MIR2052HG: variants seen among roughly 807,000 people sequenced by gnomAD.
The protein encoded by MIR2052HG is MIR2052 host gene.
At chr8:74,754,484 G>C (rs1370577629) in intron 5 of MIR2052HG, among the ~76,000 whole-genome samples, 2 of 152,182 alleles carry the variant, frequency 1.3e-5, no homozygotes, top group African/African-American at 4.8e-5. Flanking sequence ...GAGACTTGGA[G>C]CTATGAGTGT....
chr8:74,707,220 T>G (rs1809420128), intron 4 of MIR2052HG, among the ~76,000 whole-genome samples: 1 of 152,110 alleles, frequency 6.6e-6, no homozygotes, highest in Non-Finnish European at 1.5e-5. Context: ...GGGTGCTATA[T>G]TGTTACATTG....
At chr8:74,719,606 T>C (rs1019600317) in intron 4 of MIR2052HG, among the ~76,000 whole-genome samples, 10 of 152,072 alleles carry the variant, frequency 6.6e-5, no homozygotes, top group Non-Finnish European at 1.5e-4. Flanking sequence ...AAATCACTGA[T>C]CTTTTATTTA....
chr8:74,752,348 C>A, intron 4 of MIR2052HG: 2 of 366,726 alleles, frequency 5.5e-6, no homozygotes, highest in Non-Finnish European at 5.3e-6. Context: ...ATTTCAAAGG[C>A]ATAGGTCTCA....
At chr8:74,658,972 A>G (rs1031742476) in intron 2 of MIR2052HG, among the ~76,000 whole-genome samples, 14 of 152,246 alleles carry the variant, frequency 9.2e-5, no homozygotes, top group Non-Finnish European at 1.6e-4. Flanking sequence ...ATTCTTTCAT[A>G]CTTACCCAAA....
At chr8:74,708,511 G>C (rs560104730) in intron 4 of MIR2052HG, among the ~76,000 whole-genome samples, 1 of 152,166 alleles carries the variant, frequency 6.6e-6, no homozygotes, top group South Asian at 2.1e-4. Context: ...CTGGATTGTA[G>C]AATATTGACA....
chr8:74,666,709 T>A (rs947826183), intron 2 of MIR2052HG, among the ~76,000 whole-genome samples: 3 of 152,216 alleles, frequency 2.0e-5, no homozygotes, highest in African/African-American at 7.2e-5. Context: ...GGTGTCGAAT[T>A]ACCATCCATG....
intron 2 of MIR2052HG, among the ~76,000 whole-genome samples, chr8:74,625,787 A>T (rs1306815935): frequency 1.3e-5 from 2 of 152,208 alleles, no homozygotes; most frequent in African/African-American, 2.4e-5. Context: ...AATATTAAAG[A>T]TTCTTGCAAT....
intron 2 of MIR2052HG, among the ~76,000 whole-genome samples, chr8:74,634,763 A>T (rs1808560233): frequency 6.6e-6 from 1 of 152,108 alleles, no homozygotes; most frequent in Non-Finnish European, 1.5e-5. Flanking sequence ...GACATCTACC[A>T]CTACTTCATA....
intron 1 of MIR2052HG, among the ~76,000 whole-genome samples, chr8:74,602,817 G>GTTTCTTTCTTCCTTTCTTTCTTTC (rs1808023488): frequency 6.8e-5 from 5 of 73,786 alleles, no homozygotes; most frequent in African/African-American, 3.2e-4. Context: ...GCCCGGCCGT[G>GTTTCTTTCTTCCTTTCTTTCTTTC]TTTCTTTCTT....
chr8:74,751,177 A>G (rs1809940988), intron 4 of MIR2052HG, among the ~76,000 whole-genome samples: 1 of 152,224 alleles, frequency 6.6e-6, no homozygotes, highest in Admixed American at 6.5e-5. Context: ...CATATGTCCT[A>G]GCTGGGCTTG....
At chr8:74,694,384 T>C (rs1396679375) in intron 2 of MIR2052HG, among the ~76,000 whole-genome samples, 4 of 152,116 alleles carry the variant, frequency 2.6e-5, no homozygotes, top group Non-Finnish European at 5.9e-5. Flanking sequence ...AAATCTTCCC[T>C]CTCACATAGG....
chr8:74,662,483 C>A (rs1808875933), intron 2 of MIR2052HG, among the ~76,000 whole-genome samples: 1 of 151,914 alleles, frequency 6.6e-6, no homozygotes, highest in African/African-American at 2.4e-5. Flanking sequence ...ATACCTAGTG[C>A]ATGCGGGGCT....
At chr8:74,739,546 G>A (rs535234930) in intron 4 of MIR2052HG, among the ~76,000 whole-genome samples, 1 of 152,186 alleles carries the variant, frequency 6.6e-6, no homozygotes, top group South Asian at 2.1e-4. Context: ...GAATTCCCCA[G>A]AACTTTCATA....
intron 4 of MIR2052HG, among the ~76,000 whole-genome samples, chr8:74,731,246 G>A (rs1397393336): frequency 6.6e-6 from 1 of 152,162 alleles, no homozygotes; most frequent in Non-Finnish European, 1.5e-5. Flanking sequence ...TTAGCAACAG[G>A]GACCAACACT....
At chr8:74,757,333 G>A (rs1810015057) in intron 5 of MIR2052HG, 1 of 152,186 alleles carries the variant, frequency 6.6e-6, no homozygotes, top group Admixed American at 6.5e-5. Context: ...GAGCCTTTGG[G>A]CATCATGGGA....
intron 2 of MIR2052HG, among the ~76,000 whole-genome samples, chr8:74,663,363 G>C (rs1205646740): frequency 6.6e-6 from 1 of 152,174 alleles, no homozygotes; most frequent in Non-Finnish European, 1.5e-5. Context: ...ACTTGTTTAA[G>C]AACACCGTGT....
chr8:74,652,416 T>C (rs1808763047), intron 2 of MIR2052HG, among the ~76,000 whole-genome samples: 1 of 152,124 alleles, frequency 6.6e-6, no homozygotes, highest in African/African-American at 2.4e-5. Context: ...GGCTCTGGAG[T>C]GAAGACCATG....
chr8:74,663,152 A>G (rs1309195984), intron 2 of MIR2052HG, among the ~76,000 whole-genome samples: 1 of 152,188 alleles, frequency 6.6e-6, no homozygotes, highest in East Asian at 1.9e-4. Context: ...AATATGAAGT[A>G]CCAATATGAT....
At chr8:74,639,035 CTG>C (rs1482844736) in intron 2 of MIR2052HG, among the ~76,000 whole-genome samples, 1 of 152,116 alleles carries the variant, frequency 6.6e-6, no homozygotes, top group Admixed American at 6.6e-5. Flanking sequence ...TTCGGAGAGA[CTG>C]AGTCCTTAGA....
Sources: gnomAD v4.1 joint callset for allele counts (sites outside exome capture counted in the v4.1 genomes callset) on GRCh38, gnomAD v4.1.1 for gene constraint, MANE v1.5 for transcripts, NCBI Gene and HGNC (gene_info 2026-07-23, HGNC 2026-07-21) for gene names.